Variants in DNAJC13 observed in about 807,000 individuals in gnomAD.
DNAJC13 encodes the protein dnaJ homolog subfamily C member 13.
DNAJC13 carries 75 observed loss-of-function variants against 290.5 expected under a neutral mutation model. The ratio of observed to expected loss-of-function variants is 0.26; its 90% confidence interval spans 0.21 to 0.31. DNAJC13 has a LOEUF of 0.31. DNAJC13 is among the 10% of genes least tolerant of loss of function. DNAJC13 has a pLI of 1.00. For synonymous variants in DNAJC13, 862 were observed against 892.0 expected (o/e 0.97, Z 0.60); for missense variants, 2,260 against 2,674.5 (o/e 0.85, Z 3.42).
chr3:132,418,715 A>C (rs1938871984), intron 1 of DNAJC13, among the ~76,000 whole-genome samples: 1 of 152,100 alleles, frequency 6.6e-6, no homozygotes, highest in Admixed American at 6.5e-5. Context: ...CTTTTGTAAT[A>C]CAGTGTCTTG....
intron 49 of DNAJC13, 49 bp from the exon 50 acceptor site, chr3:132,523,108 A>G (rs767617055): frequency 6.2e-7 from 1 of 1,612,060 alleles, no homozygotes; most frequent in African/African-American, 1.3e-5. Flanking sequence ...AGGTTAATGA[A>G]AATGTATTTG....
intron 1 of DNAJC13, among the ~76,000 whole-genome samples, chr3:132,430,979 C>T (rs1939225234): frequency 6.6e-6 from 1 of 152,110 alleles, no homozygotes; most frequent in Admixed American, 6.6e-5. Context: ...GAAATTTCTT[C>T]TTTCTGGTAA....
intron 41 of DNAJC13, among the ~76,000 whole-genome samples, chr3:132,504,496 C>A (rs1935525761): frequency 6.6e-6 from 1 of 152,014 alleles, no homozygotes; most frequent in Admixed American, 6.6e-5. Context: ...TTTATAGCCA[C>A]CCCCACTAAA....
At chr3:132,482,576 T>C (rs1477195782) in intron 27 of DNAJC13, among the ~76,000 whole-genome samples, 1 of 152,190 alleles carries the variant, frequency 6.6e-6, no homozygotes, top group Non-Finnish European at 1.5e-5. Context: ...GTGATTTTTA[T>C]GTAATAATTT....
chr3:132,432,071 TA>T (rs1181074996), intron 1 of DNAJC13, among the ~76,000 whole-genome samples: 1 of 152,248 alleles, frequency 6.6e-6, no homozygotes, highest in Non-Finnish European at 1.5e-5. Flanking sequence ...TCTAATTATG[TA>T]AAAAATACTT....
At chr3:132,434,498 T>C (rs1939327457) in intron 1 of DNAJC13, 40 bp from the exon 2 acceptor site, 17 of 1,420,792 alleles carry the variant, frequency 1.2e-5, no homozygotes, top group South Asian at 8.4e-5. Context: ...ATTAAAGATA[T>C]ATAACATGTA....
At chr3:132,426,385 A>C (rs1167843205) in intron 1 of DNAJC13, among the ~76,000 whole-genome samples, 1 of 152,218 alleles carries the variant, frequency 6.6e-6, no homozygotes, top group African/African-American at 2.4e-5. Context: ...GAAATATGGA[A>C]CACAATTGCA....
Position 132,521,346 on chromosome 3 carries a change from G to A in DNAJC13, c.5674-1482G>A, listed in dbSNP as rs144291395. On this transcript the variant is annotated intron_variant, in intron 48 of 55. Coordinates refer to ENST00000260818, the MANE Select transcript of DNAJC13 (RefSeq NM_015268.4). Reference sequence around the variant, plus strand: ...GAGGATTACTTAAGCCCAGGAGTTCGAGGTTGCAGAGTGAGACCCTGTCCA... The same window carrying A: ...GAGGATTACTTAAGCCCAGGAGTTCAAGGTTGCAGAGTGAGACCCTGTCCA... Among the ~76,000 whole-genome samples the A allele has an allele frequency of 1.9e-3, 293 of 152,248 alleles. 1 individual carries two copies. Among genetic ancestry groups the A allele is most frequent in the African/African-American group, 6.5e-3 (272 of 41,544 alleles).
intron 51 of DNAJC13, 64 bp from the exon 52 acceptor site, chr3:132,525,546 A>G (rs1936227795): frequency 1.3e-6 from 2 of 1,520,992 alleles, no homozygotes; most frequent in African/African-American, 2.8e-5. Flanking sequence ...CAAATACATT[A>G]CCTTGGATAT....
chr3:132,457,456 A>G (rs1457922502), intron 13 of DNAJC13, 88 bp downstream of exon 13: 2 of 1,029,830 alleles, frequency 1.9e-6, no homozygotes, highest in Admixed American at 4.5e-5. Context: ...CATTGTACCA[A>G]TAAGTTCTTG....
At chr3:132,479,869 T>G (rs1296195584) in intron 25 of DNAJC13, among the ~76,000 whole-genome samples, 1 of 152,198 alleles carries the variant, frequency 6.6e-6, no homozygotes, top group Non-Finnish European at 1.5e-5. Flanking sequence ...ATTTGCATAG[T>G]TTTATTCTTA....
chr3:132,454,653 T>C (rs989459414), intron 9 of DNAJC13, among the ~76,000 whole-genome samples: 5 of 152,080 alleles, frequency 3.3e-5, no homozygotes, highest in Non-Finnish European at 5.9e-5. Flanking sequence ...AACTAGTGTT[T>C]TTATAGTATT....
At chr3:132,429,656 A>C (rs1005937689) in intron 1 of DNAJC13, among the ~76,000 whole-genome samples, 1 of 152,190 alleles carries the variant, frequency 6.6e-6, no homozygotes, top group African/African-American at 2.4e-5. Flanking sequence ...TGGAGTTTTA[A>C]AATGGAAAAG....
chr3:132,455,819 G>A (rs1451114838), intron 9 of DNAJC13, among the ~76,000 whole-genome samples: 2 of 152,266 alleles, frequency 1.3e-5, no homozygotes, highest in Admixed American at 1.3e-4. Flanking sequence ...TCCTGGGGCT[G>A]GGGAGTGTTC....
chr3:132,499,950 C>A, intron 38 of DNAJC13, 142 bp downstream of exon 38: 1 of 710,360 alleles, frequency 1.4e-6, no homozygotes, highest in Non-Finnish European at 2.4e-6. Flanking sequence ...TTCAGTGAGT[C>A]TGGGGTGGTG....
At position 132,493,086 on chromosome 3, in the gene DNAJC13, A is replaced by G. The variant is rs796656084; in HGVS notation, c.3825+471A>G. Among the ~76,000 whole-genome samples, 5 of 152,242 alleles carry G rather than the reference A, an allele frequency of 3.3e-5. No homozygotes were observed. The South Asian group carries it at 1.0e-3, about 32-fold the overall frequency. ...TCATCTCTAAAATATTGGTAATAATAGCAGCTATCTGGTGGTGTTTATGAA... is the reference window on the plus strand; with the variant it reads ...TCATCTCTAAAATATTGGTAATAATGGCAGCTATCTGGTGGTGTTTATGAA... On this transcript the variant is annotated intron_variant, in intron 33 of 55. Coordinates refer to ENST00000260818, the MANE Select transcript of DNAJC13 (RefSeq NM_015268.4).
chr3:132,480,995 C>T (rs561645466), intron 26 of DNAJC13, among the ~76,000 whole-genome samples: 10 of 152,270 alleles, frequency 6.6e-5, no homozygotes, highest in Middle Eastern at 3.4e-3. Flanking sequence ...ATGATGTATT[C>T]TGTTATATAC....
intron 50 of DNAJC13, 58 bp downstream of exon 50, chr3:132,523,257 C>T (rs1445603898): frequency 1.3e-6 from 2 of 1,582,388 alleles, no homozygotes; most frequent in East Asian, 2.2e-5. Flanking sequence ...TTTTCACTTT[C>T]TACTGAGTCA....
intron 1 of DNAJC13, among the ~76,000 whole-genome samples, chr3:132,426,479 G>A (rs1215731410): frequency 3.3e-5 from 5 of 152,192 alleles, no homozygotes; most frequent in Admixed American, 3.3e-4. Flanking sequence ...ACAACTGGCA[G>A]AATGGCAAAT....
Sources: gnomAD v4.1 joint callset for allele counts (sites outside exome capture counted in the v4.1 genomes callset) on GRCh38, gnomAD v4.1.1 for gene constraint, MANE v1.5 for transcripts, NCBI Gene and HGNC (gene_info 2026-07-23, HGNC 2026-07-21) for gene names.